The following PRTFDC1 variants were observed in gnomAD, a reference collection of about 807,000 sequenced individuals.
The protein encoded by PRTFDC1 is phosphoribosyltransferase domain-containing protein 1.
In PRTFDC1, 38 loss-of-function variants were observed where a neutral mutation model predicts 34.6. The observed-to-expected ratio is 1.10, with a 90% CI of 0.85 to 1.44. The LOEUF (loss-of-function observed/expected upper bound fraction) is 1.44. Among genes scored for constraint, PRTFDC1 ranks in the 40% most tolerant of loss-of-function variants. The pLI, the probability that PRTFDC1 is intolerant of heterozygous loss-of-function variation, is 0.00. For synonymous variants in PRTFDC1, 93 were observed against 98.1 expected, an observed-to-expected ratio of 0.95 and a Z score of 0.31; for missense variants, 270 against 283.0, an observed-to-expected ratio of 0.95 and a Z score of 0.33.
intron 8 of PRTFDC1, 83 bp downstream of exon 8, chr10:24,851,305 C>T (rs774249376): frequency 2.0e-6 from 3 of 1,532,412 alleles, no homozygotes; most frequent in South Asian, 1.3e-5. Context: ...CAATAGCAGA[C>T]ATCACTAACA....
intron 1 of PRTFDC1, among the ~76,000 whole-genome samples, chr10:24,945,107 C>T (rs1409224451): frequency 6.6e-6 from 1 of 152,188 alleles, no homozygotes; most frequent in Non-Finnish European, 1.5e-5. Context: ...AATGTCACCT[C>T]TGCAAAGACG....
intron 3 of PRTFDC1, among the ~76,000 whole-genome samples, chr10:24,906,520 C>T (rs1848538490): frequency 6.6e-6 from 1 of 151,926 alleles, no homozygotes; most frequent in East Asian, 1.9e-4. Flanking sequence ...GATATATGAA[C>T]AAATGACTTG....
chr10:24,909,777 A>G (rs975653934), intron 3 of PRTFDC1, among the ~76,000 whole-genome samples: 2 of 152,122 alleles, frequency 1.3e-5, no homozygotes, highest in African/African-American at 4.8e-5. Flanking sequence ...CACCTCAGTA[A>G]TTAGGTGGGG....
chr10:24,889,729 C>T (rs1428383890), intron 3 of PRTFDC1, among the ~76,000 whole-genome samples: 1 of 152,180 alleles, frequency 6.6e-6, no homozygotes, highest in Non-Finnish European at 1.5e-5. Context: ...GTTTCTAGAA[C>T]CACCTTCCAT....
chr10:24,857,563 G>C (rs1316177712), intron 5 of PRTFDC1, among the ~76,000 whole-genome samples: 2 of 152,136 alleles, frequency 1.3e-5, no homozygotes, highest in Non-Finnish European at 2.9e-5. Flanking sequence ...GAGGAGAATG[G>C]GCAGCGGCGA....
intron 1 of PRTFDC1, among the ~76,000 whole-genome samples, chr10:24,947,344 C>G (rs972799505): frequency 6.6e-6 from 1 of 152,094 alleles, no homozygotes; most frequent in Non-Finnish European, 1.5e-5. Context: ...TAAATCAAAA[C>G]CTGCAGGAAT....
chr10:24,923,401 C>T (rs752570921), intron 3 of PRTFDC1, among the ~76,000 whole-genome samples: 14 of 152,148 alleles, frequency 9.2e-5, no homozygotes, highest in African/African-American at 1.9e-4. Context: ...CAAAAGGGGC[C>T]GACAGACACC....
At chr10:24,916,522 T>C (rs1848698312) in intron 3 of PRTFDC1, among the ~76,000 whole-genome samples, 1 of 152,174 alleles carries the variant, frequency 6.6e-6, no homozygotes, top group Non-Finnish European at 1.5e-5. Flanking sequence ...TTCTCTGGCC[T>C]CCTTTGCTTT....
In PRTFDC1 at chr10:24,855,316, A is replaced by G; in HGVS notation, c.553+2T>C. 2 of 1,612,926 alleles carry G rather than the reference A, an allele frequency of 1.2e-6. No homozygotes were observed. The highest frequency in any genetic ancestry group is 1.7e-6 in the Non-Finnish European group (2 of 1,179,130). On this transcript the variant is annotated splice_donor_variant, in intron 7 of 8. Coordinates refer to ENST00000320152, the MANE Select transcript of PRTFDC1 (RefSeq NM_020200.7). LOFTEE classifies it high-confidence loss of function. The stretch of plus-strand genomic sequence containing the variant: ...ACAAACAAAAAACTGAAAAACACTT[A>G]CAGTCAGGTCTAAAGCCGTCACTTC...
chr10:24,850,888 G>A (rs77219839), intron 8 of PRTFDC1, among the ~76,000 whole-genome samples: 2,032 of 152,224 alleles, frequency 0.013, 16 homozygotes, highest in Middle Eastern at 0.034. Context: ...GTCCACTATG[G>A]GTAAGTTGTC....
intron 3 of PRTFDC1, among the ~76,000 whole-genome samples, chr10:24,890,039 G>A (rs948075072): frequency 1.4e-4 from 22 of 152,156 alleles, no homozygotes; most frequent in Non-Finnish European, 2.6e-4. Context: ...TTAATGTGCT[G>A]AGGAATAAAT....
chr10:24,873,191 C>T (rs1282501480), intron 3 of PRTFDC1, among the ~76,000 whole-genome samples: 2 of 152,040 alleles, frequency 1.3e-5, no homozygotes, highest in African/African-American at 4.8e-5. Flanking sequence ...TTACTTTCAT[C>T]ATGTTTATGT....
chr10:24,944,435 C>T (rs1039548658), intron 1 of PRTFDC1, among the ~76,000 whole-genome samples: 4 of 152,156 alleles, frequency 2.6e-5, no homozygotes, highest in Non-Finnish European at 4.4e-5. Flanking sequence ...CTACACTTGC[C>T]TCCCTGCTTC....
chr10:24,849,788 A>G lies in PRTFDC1; in HGVS notation c.*56T>C. 3 of 1,568,218 alleles carry G rather than the reference A, an allele frequency of 1.9e-6. No homozygotes were observed. The highest frequency in any genetic ancestry group is 2.6e-6 in the Non-Finnish European group (3 of 1,139,700). On this transcript the variant is annotated 3_prime_UTR_variant, in exon 9 of 9. Transcript: ENST00000320152. ...GGACAAACTTGACAGCTGGCTTCCC[A>G]AGTACAGGCGTAAATATGATGCTAT...
intron 4 of PRTFDC1, among the ~76,000 whole-genome samples, chr10:24,870,136 G>A (rs1161386462): frequency 6.6e-6 from 1 of 152,194 alleles, no homozygotes; most frequent in African/African-American, 2.4e-5. Context: ...AAGGGACAGA[G>A]TCTTGTTCTG....
chr10:24,876,609 G>A (rs1006543215), intron 3 of PRTFDC1, among the ~76,000 whole-genome samples: 4 of 152,038 alleles, frequency 2.6e-5, no homozygotes, highest in East Asian at 1.9e-4. Flanking sequence ...CAGGAGAATC[G>A]CTTGAACCTG....
At chr10:24,882,192 G>A (rs552400852) in intron 3 of PRTFDC1, among the ~76,000 whole-genome samples, 1 of 119,118 alleles carries the variant, frequency 8.4e-6, no homozygotes, top group Non-Finnish European at 1.6e-5. Flanking sequence ...GGGTGACAGA[G>A]CGGATCTGCC....
At chr10:24,853,417 G>T (rs1248118857) in intron 7 of PRTFDC1, among the ~76,000 whole-genome samples, 1 of 151,960 alleles carries the variant, frequency 6.6e-6, no homozygotes, top group East Asian at 1.9e-4. Flanking sequence ...TCCAAGACCA[G>T]CCTGGCCAAC....
chr10:24,944,284 C>T (rs1849217646), intron 1 of PRTFDC1, among the ~76,000 whole-genome samples: 1 of 152,216 alleles, frequency 6.6e-6, no homozygotes, highest in South Asian at 2.1e-4. Context: ...TTTCATCGCC[C>T]TCAGGCAACA....
Sources: allele counts gnomAD v4.1 joint callset (sites outside exome capture counted in the v4.1 genomes callset), GRCh38; gene constraint gnomAD v4.1.1; transcripts MANE v1.5; gene names NCBI Gene and HGNC (gene_info 2026-07-23, HGNC 2026-07-21).